Variants in TANC2 observed in about 807,000 individuals in gnomAD.
TANC2 encodes protein TANC2.
In TANC2, 26 loss-of-function variants were observed where a neutral mutation model predicts 210.5. That is an observed-to-expected ratio of 0.12 (90% CI 0.09 to 0.17). TANC2 has a LOEUF of 0.17. TANC2 is among the 10% of genes least tolerant of loss of function. TANC2 has a pLI of 1.00. For missense variants in TANC2, 2,129 were observed against 2,608.9 expected (o/e 0.82, Z 4.01); for synonymous variants, 931 against 967.1 (o/e 0.96, Z 0.69).
At chr17:63,231,658 GT>G (rs1346893848) in intron 7 of TANC2, among the ~76,000 whole-genome samples, 1 of 152,108 alleles carries the variant, frequency 6.6e-6, no homozygotes, top group African/African-American at 2.4e-5. Flanking sequence ...CCCTTTATAG[GT>G]GGCCTGGCCT....
intron 1 of TANC2, among the ~76,000 whole-genome samples, chr17:62,979,648 G>A (rs189295295): frequency 2.0e-5 from 3 of 152,302 alleles, no homozygotes; most frequent in South Asian, 2.1e-4. Context: ...GGTGGCTCAC[G>A]CCTTTAGTAA....
At chr17:63,234,938 G>A (rs1445839281) in intron 7 of TANC2, among the ~76,000 whole-genome samples, 3 of 152,004 alleles carry the variant, frequency 2.0e-5, no homozygotes, top group Non-Finnish European at 4.4e-5. Flanking sequence ...GTATCTCATG[G>A]TACAATTTAA....
intron 8 of TANC2, among the ~76,000 whole-genome samples, chr17:63,244,946 T>C (rs117482054): frequency 1.2e-4 from 19 of 152,278 alleles, no homozygotes; most frequent in Admixed American, 1.1e-3. Context: ...TCTGCCATGA[T>C]TGTGAGGCCC....
rs189197941 is a variant in TANC2 at position 63,386,851 on chromosome 17, T to G, written c.2692-1784T>G. Among the ~76,000 whole-genome samples the G allele has an allele frequency of 4.4e-3, 667 of 152,222 alleles. 4 individuals carry two copies. Among genetic ancestry groups the G allele is most frequent in the African/African-American group, 0.015 (608 of 41,522 alleles). ...TTTTTTCCTTCTGTTTTTTGGTGGT[T>G]GTTGTTTTTTGGTTTTTTTGAGACA... On this transcript the variant is annotated intron_variant, in intron 15 of 27. Coordinates refer to ENST00000689528, the Ensembl canonical transcript of TANC2.
intron 8 of TANC2, among the ~76,000 whole-genome samples, chr17:63,266,483 T>TTTTC (rs2043531394): frequency 1.3e-5 from 2 of 152,180 alleles, no homozygotes; most frequent in Non-Finnish European, 2.9e-5. Context: ...TAAGTTTACT[T>TTTTC]ACTGTCATAA....
intron 2 of TANC2, among the ~76,000 whole-genome samples, chr17:63,050,881 C>G (rs752347534): frequency 6.6e-6 from 1 of 152,198 alleles, no homozygotes; most frequent in African/African-American, 2.4e-5. Context: ...ATGACTCTTT[C>G]AAATGAGTAC....
intron 4 of TANC2, among the ~76,000 whole-genome samples, chr17:63,137,721 A>G (rs929831493): frequency 2.0e-5 from 3 of 152,196 alleles, no homozygotes; most frequent in African/African-American, 7.2e-5. Context: ...TTAACCAGCT[A>G]TCATATGCCA....
intron 11 of TANC2, chr17:63,332,641 G>A (rs753454089): frequency 2.0e-5 from 4 of 197,294 alleles, no homozygotes; most frequent in Admixed American, 5.7e-5. Flanking sequence ...AGGGCCACCC[G>A]AGAGCAATGA....
Position 63,412,621 on chromosome 17 carries a change from C to A in TANC2, c.3899-59C>A, listed in dbSNP as rs1157868864. The A allele has an allele frequency of 1.7e-5, 21 of 1,257,692 alleles. No homozygotes were observed. The highest frequency in any genetic ancestry group is 1.9e-5 in the Non-Finnish European group (18 of 923,778). 77.9% of individuals were successfully genotyped at this position (1,257,692 alleles called of 1,614,324 possible). A position where few individuals can be genotyped will look rare whatever the true frequency, so the allele number is the denominator to read the frequency against. Reference sequence around the variant, plus strand: ...GCTTTTTCCTTCTTTTTTTTTTTTTCACCTTCATCCATTTTTTTTTCCTCT... The same window carrying A: ...GCTTTTTCCTTCTTTTTTTTTTTTTAACCTTCATCCATTTTTTTTTCCTCT... On this transcript the variant is annotated intron_variant, in intron 23 of 27. Coordinates refer to ENST00000689528, the Ensembl canonical transcript of TANC2. The surrounding 1 kb of genome is among the most constrained non-coding windows in gnomAD (Gnocchi z 4.2).
chr17:63,296,016 A>C (rs2044525296), intron 9 of TANC2, among the ~76,000 whole-genome samples: 1 of 152,088 alleles, frequency 6.6e-6, no homozygotes. Context: ...AGCTCAGTGC[A>C]TCTGTCTGAA....
intron 11 of TANC2, among the ~76,000 whole-genome samples, chr17:63,336,344 A>G (rs924007985): frequency 1.3e-5 from 2 of 152,246 alleles, no homozygotes; most frequent in Admixed American, 6.5e-5. Context: ...AGATATTCAA[A>G]GCTGCCTTCA....
chr17:62,987,777 G>A (rs1006424644), intron 1 of TANC2, among the ~76,000 whole-genome samples: 1 of 152,062 alleles, frequency 6.6e-6, no homozygotes, highest in Non-Finnish European at 1.5e-5. Flanking sequence ...TTGTTGCCTT[G>A]GTCCTTTCTT....
intron 17 of TANC2, chr17:63,390,319 T>C (rs931036504): frequency 6.6e-6 from 1 of 152,208 alleles, no homozygotes; most frequent in African/African-American, 2.4e-5. Context: ...TATTCAGTGC[T>C]GTTACGAGGG....
intron 4 of TANC2, among the ~76,000 whole-genome samples, chr17:63,145,816 GA>G (rs1244849005): frequency 6.6e-6 from 1 of 152,008 alleles, no homozygotes; most frequent in Admixed American, 6.6e-5. Context: ...AGTAAGTTTT[GA>G]AATCAGAAAG....
At position 63,170,199 on chromosome 17, in the gene TANC2, G is replaced by A. The variant is rs370675794; in HGVS notation, c.433+18819G>A. Among the ~76,000 whole-genome samples the A allele has an allele frequency of 9.2e-5, 14 of 151,694 alleles. No homozygotes were observed. The East Asian group carries it at 1.6e-3, about 17-fold the overall frequency. ...TCCCAGCACTTTGGGAGGCCGAGGC[G>A]GGCAGATCACGAGTCAGGAGATTGA... On this transcript the variant is annotated intron_variant, in intron 5 of 27. Transcript: ENST00000689528.
rs1168768360 is a variant in TANC2, at chr17:63,351,610, C to T, written c.1974+194C>T. Among the ~76,000 whole-genome samples the T allele has an allele frequency of 3.9e-5, 6 of 152,184 alleles. No individual in the cohort carries two copies. The East Asian group carries it at 1.2e-3, about 29-fold the overall frequency. On this transcript the variant is annotated intron_variant, in intron 13 of 27. Transcript: ENST00000689528. ...ATTCTTTATACGTGACTCTCAGATT[C>T]CCATTTCTGTTGCTCTGGATGAGGT...
At chr17:63,405,740 G>T (rs965242933) in intron 20 of TANC2, among the ~76,000 whole-genome samples, 1 of 152,166 alleles carries the variant, frequency 6.6e-6, no homozygotes, top group Non-Finnish European at 1.5e-5. Context: ...TAGAAAAAAG[G>T]CTGTAGAAGC....
intron 8 of TANC2, among the ~76,000 whole-genome samples, chr17:63,266,390 TTAAA>T (rs1435200643): frequency 3.3e-5 from 5 of 152,146 alleles, no homozygotes; most frequent in Admixed American, 2.6e-4. Context: ...GTTATATTTG[TTAAA>T]TGAATGAACA....
At chr17:63,231,197 C>A (rs2042466757) in intron 7 of TANC2, among the ~76,000 whole-genome samples, 1 of 151,706 alleles carries the variant, frequency 6.6e-6, no homozygotes, top group Admixed American at 6.6e-5. Context: ...TACAGCATAC[C>A]AAGGGGTCTT....
Sources: gnomAD v4.1 joint callset for allele counts (sites outside exome capture counted in the v4.1 genomes callset) on GRCh38, gnomAD v4.1.1 for gene constraint, Gnocchi (gnomAD v3.1) non-coding constraint, MANE v1.5 for transcripts, NCBI Gene and HGNC (gene_info 2026-07-23, HGNC 2026-07-21) for gene names.